The following KIF1A variants were observed in gnomAD, a reference collection of about 807,000 sequenced individuals.
KIF1A encodes kinesin family member 1A, also known as kinesin-like protein KIF1A.
Under a neutral mutation model 227.3 loss-of-function variants are expected in KIF1A, and 46 were observed. That is an observed-to-expected ratio of 0.20 (90% CI 0.16 to 0.26). The LOEUF is 0.26. Ranked by LOEUF, KIF1A falls within the 10% of genes least tolerant of loss-of-function variation. KIF1A has a pLI of 1.00. For missense variants in KIF1A, 1,683 were observed against 2,485.9 expected (o/e 0.68, Z 6.87); for synonymous variants, 1,022 against 1,012.8 (o/e 1.01, Z -0.17).
intron 38 of KIF1A, chr2:240,734,662 G>C (rs2047117769): frequency 7.9e-7 from 1 of 1,265,634 alleles, no homozygotes; most frequent in African/African-American, 1.5e-5. Context: ...GGAGGAGCAG[G>C]GAGGAAAGAA....
At chr2:240,780,081 C>T (rs1265292710) in intron 10 of KIF1A, among the ~76,000 whole-genome samples, 4 of 151,786 alleles carry the variant, frequency 2.6e-5, no homozygotes, top group Non-Finnish European at 4.4e-5. Context: ...CAGGCCCCCG[C>T]GAGTTCCTCC....
chr2:240,748,495 A>G (rs1364408286), intron 28 of KIF1A, among the ~76,000 whole-genome samples: 1 of 151,446 alleles, frequency 6.6e-6, no homozygotes, highest in East Asian at 1.9e-4. Flanking sequence ...AGTGGGAGGA[A>G]GTGCTCAGGA....
chr2:240,777,850 G>A (rs908107449), intron 10 of KIF1A, among the ~76,000 whole-genome samples: 2 of 152,168 alleles, frequency 1.3e-5, no homozygotes, highest in Non-Finnish European at 2.9e-5. Context: ...CCTCTCGCGC[G>A]GCTCCTTCAA....
intron 1 of KIF1A, among the ~76,000 whole-genome samples, chr2:240,807,846 T>C (rs2057555548): frequency 6.6e-6 from 1 of 152,200 alleles, no homozygotes; most frequent in South Asian, 2.1e-4. Flanking sequence ...GGAATACCAG[T>C]ATAGCTTGAC....
rs935978213 is a variant in KIF1A at position 240,784,856 on chromosome 2, G to A, written c.720+133C>T. On this transcript the variant is annotated intron_variant, in intron 7 of 48. Coordinates refer to ENST00000498729, the MANE Select transcript of KIF1A (RefSeq NM_001244008.2). ...CCACACCTGGTGCCAGTGTAAGTGTGAGGACACTACCCGCCCTGCACAGGC... is the reference window on the plus strand; with the variant it reads ...CCACACCTGGTGCCAGTGTAAGTGTAAGGACACTACCCGCCCTGCACAGGC... 1.4e-5 allele frequency: 10 copies of A among 721,276 alleles called. No individual in the cohort carries two copies. In the East Asian group the frequency reaches 2.6e-4, roughly 19 times the overall value. The allele number at this position is 721,276 out of a possible 1,614,324, so 44.7% of individuals were successfully genotyped here.
At position 240,726,247 on chromosome 2, in the gene KIF1A, C is replaced by T. The variant is rs1047674340; in HGVS notation, c.4122+579G>A. On this transcript the variant is annotated intron_variant, in intron 39 of 48. Coordinates refer to ENST00000498729, the MANE Select transcript of KIF1A (RefSeq NM_001244008.2). The surrounding 1 kb of genome is among the most constrained non-coding windows in gnomAD (Gnocchi z 5.2). ...AATGCAGACACAATGTCTGGTGGTGCTGCAGCCATCTTGCATCCCAAGGAC... is the reference window on the plus strand; with the variant it reads ...AATGCAGACACAATGTCTGGTGGTGTTGCAGCCATCTTGCATCCCAAGGAC... 6.6e-6 allele frequency among the ~76,000 whole-genome samples: 1 copy of T among 152,222 alleles called. No individual in the cohort carries two copies. Among genetic ancestry groups the T allele is most frequent in the Admixed American group, 6.5e-5 (1 of 15,282 alleles).
chr2:240,774,402 C>A (rs867020050), intron 11 of KIF1A, 141 bp from the exon 12 acceptor site: 159 of 393,586 alleles, frequency 4.0e-4, no homozygotes, highest in South Asian at 2.4e-3. Context: ...CCCCCCCCCC[C>A]ACCCCCACCC....
At chr2:240,761,192 C>A (rs748851389) in intron 24 of KIF1A, 37 bp downstream of exon 24, 1 of 1,591,482 alleles carries the variant, frequency 6.3e-7, no homozygotes, top group Non-Finnish European at 8.6e-7. Flanking sequence ...GACACACTCT[C>A]TCCAACAGGA....
chr2:240,750,906 GC>G (rs1004226605), intron 27 of KIF1A, among the ~76,000 whole-genome samples: 2 of 152,168 alleles, frequency 1.3e-5, no homozygotes, highest in Non-Finnish European at 2.9e-5. Context: ...ACACTGCACT[GC>G]CCCCCTTTTC....
intron 2 of KIF1A, among the ~76,000 whole-genome samples, chr2:240,791,044 C>G (rs889151771): frequency 1.3e-5 from 2 of 152,144 alleles, no homozygotes; most frequent in African/African-American, 4.8e-5. Context: ...GCGCCCCCAT[C>G]CCAGGCCTGA....
chr2:240,728,061 C>T (rs2046229916), intron 38 of KIF1A, among the ~76,000 whole-genome samples: 5 of 152,230 alleles, frequency 3.3e-5, no homozygotes, highest in Non-Finnish European at 5.9e-5. Flanking sequence ...CATCAACACA[C>T]ACAGCTGGGC....
intron 1 of KIF1A, among the ~76,000 whole-genome samples, chr2:240,810,390 T>A (rs1385884211): frequency 2.0e-5 from 3 of 152,146 alleles, no homozygotes; most frequent in Non-Finnish European, 4.4e-5. Context: ...TCAAACTGTA[T>A]CCACCAGATG....
Position 240,750,679 on chromosome 2 carries a change from G to A in KIF1A, c.2859-132C>T, listed in dbSNP as rs905580813. 12 of 679,288 alleles carry A rather than the reference G, an allele frequency of 1.8e-5. No individual in the cohort carries two copies. The African/African-American group carries it at 1.8e-4, about 10-fold the overall frequency. The allele number at this position is 679,288 out of a possible 1,614,324, so 42.1% of individuals were successfully genotyped here. On this transcript the variant is annotated intron_variant, in intron 27 of 48. Coordinates refer to ENST00000498729, the MANE Select transcript of KIF1A (RefSeq NM_001244008.2). Reference sequence around the variant, plus strand: ...CAGAGGGAAGCCGCCGGACAGGACAGCCAAGGCCAGGACAGCAAGAGCGGG... The same window carrying A: ...CAGAGGGAAGCCGCCGGACAGGACAACCAAGGCCAGGACAGCAAGAGCGGG...
intron 38 of KIF1A, among the ~76,000 whole-genome samples, chr2:240,728,994 A>G (rs376562104): frequency 6.6e-6 from 1 of 152,176 alleles, no homozygotes; most frequent in South Asian, 2.1e-4. Context: ...CATCAGCATC[A>G]CTATCTGGTA....
rs776542312 is a variant in KIF1A, at chr2:240,717,336, C to T, written c.*28G>A. ...GGATGAGGGAGGGGATGGGCTGGGC[C>T]TGCCGGCTGTCACGGGAGGGCTCAG... On this transcript the variant is annotated 3_prime_UTR_variant, in exon 49 of 49. Coordinates refer to ENST00000498729, the MANE Select transcript of KIF1A (RefSeq NM_001244008.2). 9.3e-6 allele frequency: 15 copies of T among 1,606,248 alleles called. No homozygotes were observed. The East Asian group carries it at 2.7e-4, about 29-fold the overall frequency.
At chr2:240,812,875 A>ACTCGGGGATCCGCCTTCAC (rs1559549875) in intron 1 of KIF1A, among the ~76,000 whole-genome samples, 7,831 of 60,762 alleles carry the variant, frequency 0.13, 168 homozygotes, top group Admixed American at 0.16. Context: ...ATCAGCCTTC[A>ACTCGGGGATCCGCCTTCAC]CTCGGGGATC....
chr2:240,772,220 C>G (rs1559514918), intron 14 of KIF1A, among the ~76,000 whole-genome samples: 1 of 152,198 alleles, frequency 6.6e-6, no homozygotes. Context: ...GTGCTGATAT[C>G]CTGACCTTCG....
Position 240,778,177 on chromosome 2 carries a change from C to A in KIF1A, c.883-2251G>T, listed in dbSNP as rs1364608916. 1.3e-5 allele frequency among the ~76,000 whole-genome samples: 2 copies of A among 152,150 alleles called. No individual in the cohort carries two copies. Among genetic ancestry groups the A allele is most frequent in the Non-Finnish European group, 2.9e-5 (2 of 68,028 alleles). Reference sequence around the variant, plus strand: ...GGCAGTCACTCGAATGCGGACCCCACCCACGGGATGGCTGCCGGTCACACC... The same window carrying A: ...GGCAGTCACTCGAATGCGGACCCCAACCACGGGATGGCTGCCGGTCACACC... On this transcript the variant is annotated intron_variant, in intron 10 of 48. Transcript: ENST00000498729. The surrounding 1 kb of genome is among the most constrained non-coding windows in gnomAD (Gnocchi z 7.2).
rs1351537819 is a variant in KIF1A, at chr2:240,739,694, C to T, written c.3901+364G>A. On this transcript the variant is annotated intron_variant, in intron 37 of 48. Transcript: ENST00000498729. The surrounding 1 kb of genome is among the most constrained non-coding windows in gnomAD (Gnocchi z 5.6). ...GCTGGAAGAGGCAGGGAGGGATTTT[C>T]CCCAACAGGTTTCAGAGAGAGAGAG... Among the ~76,000 whole-genome samples, 1 of 152,122 alleles carries T rather than the reference C, an allele frequency of 6.6e-6. No homozygotes were observed. Among genetic ancestry groups the T allele is most frequent in the Non-Finnish European group, 1.5e-5 (1 of 68,024 alleles).
Sources: gnomAD v4.1 joint callset for allele counts (sites outside exome capture counted in the v4.1 genomes callset) on GRCh38, gnomAD v4.1.1 for gene constraint, Gnocchi (gnomAD v3.1) non-coding constraint, MANE v1.5 for transcripts, NCBI Gene and HGNC (gene_info 2026-07-23, HGNC 2026-07-21) for gene names.